The following TMEM117 variants were observed in gnomAD, a reference collection of about 807,000 sequenced individuals.
The protein encoded by TMEM117 is transmembrane protein 117.
A neutral mutation model predicts 52.4 loss-of-function variants in TMEM117; 27 were observed. The ratio of observed to expected loss-of-function variants is 0.51; its 90% CI spans 0.38 to 0.71. The LOEUF (loss-of-function observed/expected upper bound fraction) is 0.71, where lower values mean the gene tolerates loss of function less well. Among genes scored for constraint, TMEM117 ranks in the 30% least tolerant of loss-of-function variants. TMEM117 has a pLI of 0.00. For missense variants in TMEM117, 556 were observed against 630.5 expected (o/e 0.88, Z 1.26); for synonymous variants, 215 against 206.3 (o/e 1.04, Z -0.36).
At chr12:43,800,497 C>G in the TMEM117 span, 5 of 1,613,750 alleles carry the variant, frequency 3.1e-6, no homozygotes, top group South Asian at 1.1e-5. Context: ...TTCAGAGTTG[C>G]TCTTGTTGCT....
At chr12:43,846,707 A>G (rs949698791) in intron 2 of TMEM117, among the ~76,000 whole-genome samples, 2 of 151,352 alleles carry the variant, frequency 1.3e-5, no homozygotes, top group East Asian at 2.0e-4. Context: ...TGCTGGGTCA[A>G]TTAGGAAGAG....
chr12:44,335,649 T>C (rs1040939155), intron 6 of TMEM117, among the ~76,000 whole-genome samples: 5 of 152,094 alleles, frequency 3.3e-5, no homozygotes, highest in African/African-American at 1.2e-4. Flanking sequence ...TTCATGTATA[T>C]TGTCTAAAAA....
chr12:44,360,547 A>G (rs901322339), intron 6 of TMEM117, among the ~76,000 whole-genome samples: 2 of 151,688 alleles, frequency 1.3e-5, no homozygotes, highest in Non-Finnish European at 2.9e-5. Flanking sequence ...AGCCTGGGTG[A>G]CAAAGTGAGA....
chr12:43,912,523 AT>A (rs1331883887), intron 2 of TMEM117, among the ~76,000 whole-genome samples: 1 of 67,212 alleles, frequency 1.5e-5, no homozygotes, highest in African/African-American at 3.5e-5. Context: ...ATATATATAT[AT>A]ATATATATAT....
chr12:44,148,853 T>C (rs1948682481), intron 4 of TMEM117, among the ~76,000 whole-genome samples: 1 of 152,180 alleles, frequency 6.6e-6, no homozygotes, highest in Non-Finnish European at 1.5e-5. Flanking sequence ...CATTTCTTTT[T>C]TCTGGTTCAG....
chr12:44,014,083 T>C (rs1240924812), intron 3 of TMEM117, among the ~76,000 whole-genome samples: 2 of 152,090 alleles, frequency 1.3e-5, no homozygotes, highest in East Asian at 3.9e-4. Flanking sequence ...TGTGTCCTTT[T>C]CACGGTGAAG....
intron 3 of TMEM117, among the ~76,000 whole-genome samples, chr12:44,106,078 C>CTAA (rs924817774): frequency 2.1e-4 from 32 of 152,060 alleles, no homozygotes; most frequent in African/African-American, 7.5e-4. Context: ...TCAGAGGTTT[C>CTAA]TACTTAAGGG....
intron 3 of TMEM117, among the ~76,000 whole-genome samples, chr12:44,134,854 A>G (rs569435548): frequency 6.6e-6 from 1 of 152,284 alleles, no homozygotes; most frequent in Non-Finnish European, 1.5e-5. Context: ...AAGAACAAAG[A>G]TAAGGTAGGG....
chr12:43,902,627 A>T (rs138874015), intron 2 of TMEM117, among the ~76,000 whole-genome samples: 5,867 of 152,178 alleles, frequency 0.039, 144 homozygotes, highest in Middle Eastern at 0.088. Flanking sequence ...AACCAGACAG[A>T]CCATGGTAGT....
chr12:44,307,894 A>G (rs1950923555), intron 6 of TMEM117, among the ~76,000 whole-genome samples: 1 of 152,210 alleles, frequency 6.6e-6, no homozygotes, highest in African/African-American at 2.4e-5. Context: ...ATCAGGCAAA[A>G]ACTTTTAGGA....
At chr12:44,241,001 T>G (rs1950054640) in intron 5 of TMEM117, among the ~76,000 whole-genome samples, 1 of 151,956 alleles carries the variant, frequency 6.6e-6, no homozygotes, top group Non-Finnish European at 1.5e-5. Flanking sequence ...TTGTTATCCG[T>G]GTGAATTGGT....
chr12:43,805,962 C>CG, the TMEM117 span: 11 of 1,544,964 alleles, frequency 7.1e-6, no homozygotes, highest in Non-Finnish European at 9.6e-6. Flanking sequence ...CAGGCCGCCT[C>CG]GAAAGCCAAT....
Position 44,143,557 on chromosome 12 carries a change from GA to G in TMEM117, c.446del (p.Asn149MetfsTer5). 6.2e-7 allele frequency: 1 copy of G among 1,613,912 alleles called. No individual in the cohort carries two copies. The highest frequency in any genetic ancestry group is 8.5e-7 in the Non-Finnish European group (1 of 1,179,908). On this transcript the variant is annotated frameshift_variant, in exon 4 of 8. Coordinates refer to ENST00000266534, the MANE Select transcript of TMEM117 (RefSeq NM_032256.3). LOFTEE classifies it high-confidence loss of function. ...AYIITDYMGI[R>X]NESFMKLAAV... Reference sequence around the variant, plus strand: ...ATCATTACAGACTATATGGGCATCCGAAATGAAAGTTTCATGAAATTAGCTG... The same window carrying G: ...ATCATTACAGACTATATGGGCATCCGAATGAAAGTTTCATGAAATTAGCTG...
At chr12:43,981,016 A>G (rs1201214409) in intron 3 of TMEM117, among the ~76,000 whole-genome samples, 1 of 152,134 alleles carries the variant, frequency 6.6e-6, no homozygotes, top group Non-Finnish European at 1.5e-5. Context: ...TTCCCTTATT[A>G]TCTGCCCTCG....
intron 2 of TMEM117, among the ~76,000 whole-genome samples, chr12:43,861,863 T>C (rs1387906415): frequency 1.3e-5 from 2 of 152,192 alleles, no homozygotes; most frequent in Non-Finnish European, 2.9e-5. Flanking sequence ...GGGGAAAATA[T>C]ACAATTGTGG....
intron 2 of TMEM117, among the ~76,000 whole-genome samples, chr12:43,933,473 T>C (rs1944904442): frequency 3.9e-5 from 6 of 152,142 alleles, no homozygotes. Context: ...AGTGCTGGGA[T>C]TACAGGCGTG....
At chr12:44,288,796 T>C (rs1380914195) in intron 5 of TMEM117, among the ~76,000 whole-genome samples, 1 of 152,208 alleles carries the variant, frequency 6.6e-6, no homozygotes, top group Admixed American at 6.5e-5. Context: ...CATATGCATG[T>C]ATCAACACAA....
intron 3 of TMEM117, among the ~76,000 whole-genome samples, chr12:43,989,337 T>C (rs906732747): frequency 1.3e-5 from 2 of 152,130 alleles, no homozygotes; most frequent in African/African-American, 4.8e-5. Flanking sequence ...GAATGGGAAG[T>C]AGGCTGACAG....
chr12:43,888,641 G>A (rs936496302), intron 2 of TMEM117, among the ~76,000 whole-genome samples: 5 of 144,526 alleles, frequency 3.5e-5, no homozygotes, highest in Non-Finnish European at 3.0e-5. Flanking sequence ...TCCGCCTCTC[G>A]GGTTCACGCC....
Sources: gnomAD v4.1 joint callset for allele counts (sites outside exome capture counted in the v4.1 genomes callset) on GRCh38, gnomAD v4.1.1 for gene constraint, MANE v1.5 for transcripts, NCBI Gene and HGNC (gene_info 2026-07-23, HGNC 2026-07-21) for gene names.